GALNT2: variants seen among roughly 807,000 people sequenced by gnomAD.
The protein encoded by GALNT2 is polypeptide N-acetylgalactosaminyltransferase 2, also known as UDP-GalNAc:polypeptide N-acetylgalactosaminyltransferase 2.
GALNT2 carries 31 observed loss-of-function variants against 81.4 expected under a neutral mutation model. The observed-to-expected ratio is 0.38, with a 90% CI of 0.29 to 0.51. GALNT2 has a LOEUF of 0.51. Among genes scored for constraint, GALNT2 ranks in the 20% least tolerant of loss-of-function variants. The pLI is 0.87. For synonymous variants in GALNT2, 303 were observed against 287.4 expected (o/e 1.05, Z -0.55); for missense variants, 629 against 765.7 (o/e 0.82, Z 2.11).
At chr1:230,158,041 T>C (rs970023150) in intron 1 of GALNT2, among the ~76,000 whole-genome samples, 1 of 152,118 alleles carries the variant, frequency 6.6e-6, no homozygotes, top group African/African-American at 2.4e-5. Flanking sequence ...AAGGATCTTG[T>C]TGTATGTGGA....
intron 11 of GALNT2, among the ~76,000 whole-genome samples, chr1:230,260,335 A>G (rs1249127467): frequency 6.6e-6 from 1 of 152,072 alleles, no homozygotes. Context: ...TACCTGAGTG[A>G]ACCAATAAAT....
At chr1:230,084,876 G>A (rs1659852425) in intron 1 of GALNT2, among the ~76,000 whole-genome samples, 1 of 152,192 alleles carries the variant, frequency 6.6e-6, no homozygotes, top group South Asian at 2.1e-4. Flanking sequence ...TCTCCCTGGT[G>A]CAGGGTGAAC....
intron 1 of GALNT2, among the ~76,000 whole-genome samples, chr1:230,167,523 G>A (rs1662648290): frequency 6.6e-6 from 1 of 152,260 alleles, no homozygotes; most frequent in African/African-American, 2.4e-5. Context: ...GCCCTCATGG[G>A]AAGGATTTAA....
At chr1:230,061,935 A>G (rs1033806613) in intron 1 of GALNT2, among the ~76,000 whole-genome samples, 2 of 152,244 alleles carry the variant, frequency 1.3e-5, no homozygotes, top group African/African-American at 2.4e-5. Context: ...TCTTTGTTAC[A>G]GATAAAGTAG....
chr1:230,071,774 G>C (rs549844875), intron 1 of GALNT2, among the ~76,000 whole-genome samples: 1 of 152,184 alleles, frequency 6.6e-6, no homozygotes, highest in African/African-American at 2.4e-5. Context: ...TGTATAGCCA[G>C]ATAATCCGAC....
In GALNT2 at chr1:230,209,989, A is replaced by T. The variant is rs558087713; in HGVS notation, c.374+6699A>T. 3.7e-3 allele frequency among the ~76,000 whole-genome samples: 560 copies of T among 152,264 alleles called. 2 individuals carry two copies. Among genetic ancestry groups the T allele is most frequent in the African/African-American group, 0.013 (541 of 41,540 alleles). Reference sequence around the variant, plus strand: ...GTAACACTTGCCTTCATTTTCTCTTAAGCTCTTCTGAAGCCTCTCCCCAGT... The same window carrying T: ...GTAACACTTGCCTTCATTTTCTCTTTAGCTCTTCTGAAGCCTCTCCCCAGT... On this transcript the variant is annotated intron_variant, in intron 3 of 15. Transcript: ENST00000366672.
chr1:230,177,885 A>T (rs574185403), intron 1 of GALNT2, among the ~76,000 whole-genome samples: 1 of 152,288 alleles, frequency 6.6e-6, no homozygotes, highest in East Asian at 1.9e-4. Flanking sequence ...CATTTAATCC[A>T]CTTTCCCTAT....
chr1:230,161,582 C>G (rs1217421476), intron 1 of GALNT2, among the ~76,000 whole-genome samples: 1 of 152,202 alleles, frequency 6.6e-6, no homozygotes, highest in Non-Finnish European at 1.5e-5. Flanking sequence ...TTAAGATACT[C>G]ATGACTTTAT....
intron 1 of GALNT2, among the ~76,000 whole-genome samples, chr1:230,165,319 A>G (rs1002617502): frequency 6.6e-6 from 1 of 152,226 alleles, no homozygotes; most frequent in Non-Finnish European, 1.5e-5. Context: ...TGTGATCTTT[A>G]TAATTTTAAT....
At position 230,150,452 on chromosome 1, in the gene GALNT2, TACA is replaced by T. The variant is rs765605678; in HGVS notation, c.127-27760_127-27758del. Among the ~76,000 whole-genome samples, 15 of 152,360 alleles carry T rather than the reference TACA, an allele frequency of 9.8e-5. No homozygotes were observed. In the South Asian group the frequency reaches 2.9e-3, roughly 29 times the overall value. On this transcript the variant is annotated intron_variant, in intron 1 of 15. Coordinates refer to ENST00000366672, the MANE Select transcript of GALNT2 (RefSeq NM_004481.5). Reference sequence around the variant, plus strand: ...CAACAGCTGCTTTAAAAAGACATAGTACAACAACTCCTTCCACTTCCTCTTTCT... The same window carrying T: ...CAACAGCTGCTTTAAAAAGACATAGTACAACTCCTTCCACTTCCTCTTTCT...
At chr1:230,201,588 A>G (rs940016275) in intron 2 of GALNT2, among the ~76,000 whole-genome samples, 5 of 152,186 alleles carry the variant, frequency 3.3e-5, no homozygotes, top group African/African-American at 1.2e-4. Context: ...CGTGTTTTCA[A>G]GGTCAACTGC....
rs180860134 is a variant in GALNT2 at position 230,208,539 on chromosome 1, G to A, written c.374+5249G>A. Among the ~76,000 whole-genome samples the A allele has an allele frequency of 5.9e-5, 9 of 152,342 alleles. No homozygotes were observed. The South Asian group carries it at 6.2e-4, about 11-fold the overall frequency. Reference sequence around the variant, plus strand: ...GAATGTAAATTTGGAAATGTTCAGCGTATGGATGGTATTTAAAACCGTGAG... The same window carrying A: ...GAATGTAAATTTGGAAATGTTCAGCATATGGATGGTATTTAAAACCGTGAG... On this transcript the variant is annotated intron_variant, in intron 3 of 15. Coordinates refer to ENST00000366672, the MANE Select transcript of GALNT2 (RefSeq NM_004481.5).
At chr1:230,171,719 T>C (rs1226517629) in intron 1 of GALNT2, among the ~76,000 whole-genome samples, 17 of 152,270 alleles carry the variant, frequency 1.1e-4, no homozygotes, top group Admixed American at 1.1e-3. Flanking sequence ...GCAATATACA[T>C]AACATTTATT....
At chr1:230,152,487 G>C (rs1662121064) in intron 1 of GALNT2, among the ~76,000 whole-genome samples, 1 of 152,232 alleles carries the variant, frequency 6.6e-6, no homozygotes, top group Non-Finnish European at 1.5e-5. Flanking sequence ...CATCATACAT[G>C]TAAGAGTAGG....
chr1:230,095,286 G>C (rs1023844113), intron 1 of GALNT2, among the ~76,000 whole-genome samples: 5 of 152,158 alleles, frequency 3.3e-5, no homozygotes, highest in African/African-American at 1.2e-4. Flanking sequence ...TGCTGACCAT[G>C]TACCCCCTGC....
At chr1:230,252,544 C>G (rs1472348690) in intron 10 of GALNT2, among the ~76,000 whole-genome samples, 1 of 152,158 alleles carries the variant, frequency 6.6e-6, no homozygotes, top group African/African-American at 2.4e-5. Flanking sequence ...CTGCAGAGGT[C>G]ATGACACCTT....
At chr1:230,262,248 C>T (rs1402397137) in intron 11 of GALNT2, 2 of 267,848 alleles carry the variant, frequency 7.5e-6, no homozygotes, top group African/African-American at 2.2e-5. Context: ...TTCTTTTGTC[C>T]TTCTTTAAGA....
chr1:230,063,916 G>A (rs1045139564), upstream of GALNT2, among the ~76,000 whole-genome samples: 5 of 152,210 alleles, frequency 3.3e-5, no homozygotes, highest in African/African-American at 1.2e-4. Flanking sequence ...TATATCTGAT[G>A]TGGGTTGGTC....
chr1:230,109,171 G>A (rs891721067), intron 1 of GALNT2, among the ~76,000 whole-genome samples: 3 of 152,250 alleles, frequency 2.0e-5, no homozygotes, highest in Non-Finnish European at 4.4e-5. Context: ...GCCCTCTGAT[G>A]GGGGTCTCCC....
Sources: allele counts gnomAD v4.1 joint callset (sites outside exome capture counted in the v4.1 genomes callset), GRCh38; gene constraint gnomAD v4.1.1; transcripts MANE v1.5; gene names NCBI Gene and HGNC (gene_info 2026-07-23, HGNC 2026-07-21).